ANO4: variants seen among roughly 807,000 people sequenced by gnomAD.
The protein encoded by ANO4 is anoctamin 4.
In ANO4, 69 loss-of-function variants were observed where a neutral mutation model predicts 141.9. The ratio of observed to expected loss-of-function variants is 0.49; its 90% CI spans 0.40 to 0.59. The LOEUF (loss-of-function observed/expected upper bound fraction) is 0.59. Among genes scored for constraint, ANO4 ranks in the 20% least tolerant of loss-of-function variants. The pLI is 0.00. For missense variants in ANO4, 894 were observed against 1,162.2 expected, an observed-to-expected ratio of 0.77 and a Z score of 3.36; for synonymous variants, 350 against 394.3, an observed-to-expected ratio of 0.89 and a Z score of 1.33.
intron 14 of ANO4, chr12:101,066,622 C>A (rs1484714536): frequency 3.8e-6 from 2 of 521,738 alleles, no homozygotes; most frequent in Non-Finnish European, 6.8e-6. Context: ...TCTAGAGATG[C>A]CCTGCTGGGA....
intron 15 of ANO4, among the ~76,000 whole-genome samples, chr12:101,083,030 A>G (rs2049347818): frequency 1.3e-5 from 2 of 152,196 alleles, no homozygotes; most frequent in Admixed American, 6.5e-5. Flanking sequence ...TTGATTTAGA[A>G]TTGGAGGAAC....
chr12:101,096,477 A>G lies in ANO4; in HGVS notation c.1739-59A>G, dbSNP rs570686089. On this transcript the variant is annotated intron_variant, in intron 18 of 27. Transcript: ENST00000392977. ...CCTGTGTGTGTGGGGAGGGAAAGAG[A>G]GGGAGTTGAGAGGGGATGAGATTCA... 1.7e-5 allele frequency: 22 copies of G among 1,319,938 alleles called. No homozygotes were observed. In the South Asian group the frequency reaches 2.4e-4, roughly 14 times the overall value. 81.8% of individuals were successfully genotyped at this position (1,319,938 alleles called of 1,614,324 possible). A position where few individuals can be genotyped will look rare whatever the true frequency, so the allele number is the denominator to read the frequency against.
chr12:101,072,194 C>T (rs552461127), intron 14 of ANO4, among the ~76,000 whole-genome samples: 16 of 152,282 alleles, frequency 1.1e-4, no homozygotes, highest in African/African-American at 3.4e-4. Flanking sequence ...CTTGTGGCTG[C>T]ATCCCCTTCT....
chr12:100,996,616 C>T (rs188278919), intron 8 of ANO4, among the ~76,000 whole-genome samples: 318 of 152,192 alleles, frequency 2.1e-3, no homozygotes, highest in Non-Finnish European at 3.7e-3. Flanking sequence ...ACCTGGGAGG[C>T]GGAGGTTGCA....
Position 100,786,871 on chromosome 12 carries a change from G to T in ANO4, c.358+46766G>T, listed in dbSNP as rs572982924. 1.2e-3 allele frequency among the ~76,000 whole-genome samples: 180 copies of T among 152,240 alleles called. 1 individual carries two copies. The highest frequency in any genetic ancestry group is 4.2e-3 in the African/African-American group (176 of 41,548). On this transcript the variant is annotated intron_variant, in intron 3 of 29. Transcript: ENST00000644049. The stretch of plus-strand genomic sequence containing the variant: ...GATTTTTAAAATTCTTTGTACTGAA[G>T]AATTTTTTCTTTTTAGCCAATCATA...
At chr12:101,091,532 T>C (rs149870922) in intron 17 of ANO4, among the ~76,000 whole-genome samples, 302 of 152,294 alleles carry the variant, frequency 2.0e-3, no homozygotes, top group African/African-American at 6.9e-3. Context: ...GGTTGTAATA[T>C]AGCTTTGACC....
intron 1 of ANO4, among the ~76,000 whole-genome samples, chr12:100,804,456 G>T (rs2034881570): frequency 6.6e-6 from 1 of 152,074 alleles, no homozygotes; most frequent in Admixed American, 6.6e-5. Context: ...TATTTCTTTG[G>T]GTATATACCC....
intron 13 of ANO4, 113 bp from the exon 14 acceptor site, chr12:101,048,228 A>G (rs2047709503): frequency 7.9e-7 from 1 of 1,259,354 alleles, no homozygotes; most frequent in Admixed American, 2.2e-5. Flanking sequence ...ACCCAAAACA[A>G]AGCCTGTAAA....
intron 1 of ANO4, among the ~76,000 whole-genome samples, chr12:100,801,111 C>CTG (rs2034659253): frequency 6.6e-6 from 1 of 151,626 alleles, no homozygotes; most frequent in Non-Finnish European, 1.5e-5. Flanking sequence ...CTCTCTCTCT[C>CTG]TCTCTCTCTC....
chr12:100,828,005 A>G (rs554341382), intron 1 of ANO4, among the ~76,000 whole-genome samples: 2 of 152,110 alleles, frequency 1.3e-5, no homozygotes, highest in Admixed American at 1.3e-4. Context: ...AGTTATATCT[A>G]GAGTCTTAGT....
chr12:100,770,571 G>C (rs2033255428), intron 3 of ANO4, among the ~76,000 whole-genome samples: 1 of 152,168 alleles, frequency 6.6e-6, no homozygotes, highest in African/African-American at 2.4e-5. Flanking sequence ...AATAGTTTCT[G>C]CCAGTTTCCT....
At chr12:100,861,263 ATGTCCAGC>A (rs1483761958) in intron 1 of ANO4, among the ~76,000 whole-genome samples, 1 of 152,114 alleles carries the variant, frequency 6.6e-6, no homozygotes, top group Non-Finnish European at 1.5e-5. Context: ...TTCGACCAGG[ATGTCCAGC>A]TGGCTTCACC....
intron 5 of ANO4, among the ~76,000 whole-genome samples, chr12:100,949,403 GTTAAC>G (rs1472880789): frequency 1.3e-5 from 2 of 152,192 alleles, no homozygotes; most frequent in Non-Finnish European, 2.9e-5. Context: ...CCTTGTAAAA[GTTAAC>G]TTATCTGCAA....
chr12:100,765,483 A>G (rs1012047453), intron 3 of ANO4, among the ~76,000 whole-genome samples: 6 of 151,044 alleles, frequency 4.0e-5, no homozygotes, highest in Admixed American at 3.9e-4. Context: ...GGCTTAAACA[A>G]TCCTCCCACT....
chr12:100,896,284 T>C (rs1279728051), intron 1 of ANO4, among the ~76,000 whole-genome samples: 1 of 152,122 alleles, frequency 6.6e-6, no homozygotes. Flanking sequence ...ACAACCAGCG[T>C]CCTTATAAGA....
intron 21 of ANO4, 39 bp downstream of exon 21, chr12:101,097,984 C>A: frequency 6.4e-7 from 1 of 1,569,484 alleles, no homozygotes; most frequent in African/African-American, 1.4e-5. Flanking sequence ...GGCAGCATTG[C>A]TCATTATTGG....
At chr12:101,109,887 A>G (rs959596710) in intron 22 of ANO4, among the ~76,000 whole-genome samples, 8 of 152,186 alleles carry the variant, frequency 5.3e-5, no homozygotes, top group African/African-American at 1.9e-4. Flanking sequence ...ACGTAAGTAT[A>G]TATTTACATC....
intron 3 of ANO4, among the ~76,000 whole-genome samples, chr12:100,928,064 G>A (rs909248394): frequency 7.9e-5 from 12 of 151,944 alleles, no homozygotes; most frequent in African/African-American, 9.6e-5. Context: ...CAGTGACACC[G>A]AGTGAGTCAC....
At chr12:100,980,179 C>G (rs1416387984) in intron 7 of ANO4, among the ~76,000 whole-genome samples, 1 of 152,130 alleles carries the variant, frequency 6.6e-6, no homozygotes, top group Non-Finnish European at 1.5e-5. Flanking sequence ...AGACTCTGGG[C>G]CAAGCTAAAG....
Sources: gnomAD v4.1 joint callset for allele counts (sites outside exome capture counted in the v4.1 genomes callset) on GRCh38, gnomAD v4.1.1 for gene constraint, MANE v1.5 for transcripts, NCBI Gene and HGNC (gene_info 2026-07-23, HGNC 2026-07-21) for gene names.